Variants in CNOT1 observed in about 807,000 individuals in gnomAD.
CNOT1 encodes the protein CCR4-associated factor 1.
CNOT1 carries 15 observed loss-of-function variants against 273.8 expected under a neutral mutation model. The observed-to-expected ratio is 0.05, with a 90% confidence interval of 0.04 to 0.08. The LOEUF is 0.08. CNOT1 is among the 10% of genes least tolerant of loss of function. The pLI, the probability that CNOT1 is intolerant of heterozygous loss-of-function variation, is 1.00. For missense variants in CNOT1, 1,644 were observed against 2,912.2 expected (o/e 0.56, Z 10.02); for synonymous variants, 1,022 against 1,005.5 (o/e 1.02, Z -0.31).
At chr16:58,612,826 C>T (rs1460429209) in intron 1 of CNOT1, among the ~76,000 whole-genome samples, 3 of 152,164 alleles carry the variant, frequency 2.0e-5, no homozygotes, top group African/African-American at 7.2e-5. Context: ...AAGGTTGGTT[C>T]ACTTATTAAA....
chr16:58,583,130 C>A lies in CNOT1; in HGVS notation c.859G>T (p.Ala287Ser). 6.2e-7 allele frequency: 1 copy of A among 1,614,032 alleles called. No homozygotes were observed. The highest frequency in any genetic ancestry group is 8.5e-7 in the Non-Finnish European group (1 of 1,180,030). Residue 287 changes from alanine (A) to serine (S), a missense_variant, in exon 9 of 49, where the codon GCT (alanine) becomes TCT (serine). Coordinates refer to ENST00000317147, the MANE Select transcript of CNOT1 (RefSeq NM_016284.5). ...IVQFGVREVT[A>S]AQVARVLGMM... is the part of the protein sequence containing the mutation. ...CCCAAAACCCTTGCAACCTGGGCAG[C>A]TGTGACCTCCCGAACACCAAACTGC...
intron 1 of CNOT1, among the ~76,000 whole-genome samples, chr16:58,602,000 T>A (rs928053581): frequency 6.6e-6 from 1 of 152,148 alleles, no homozygotes; most frequent in Non-Finnish European, 1.5e-5. Flanking sequence ...CTTCACAATA[T>A]TGGAGTCCTT....
At chr16:58,561,844 T>C (rs997943841) in intron 16 of CNOT1, among the ~76,000 whole-genome samples, 3 of 152,158 alleles carry the variant, frequency 2.0e-5, no homozygotes, top group Admixed American at 6.5e-5. Flanking sequence ...ACTCAATCTG[T>C]ATTGCCTCAT....
At chr16:58,625,809 G>C (rs1312534158) in intron 1 of CNOT1, among the ~76,000 whole-genome samples, 4 of 145,468 alleles carry the variant, frequency 2.7e-5, no homozygotes, top group African/African-American at 5.2e-5. Context: ...AGTGAGCAGG[G>C]ATTGTGCCGC....
intron 29 of CNOT1, among the ~76,000 whole-genome samples, 153 bp from the exon 30 acceptor site, chr16:58,545,644 G>A (rs1417011710): frequency 6.6e-6 from 1 of 152,220 alleles, no homozygotes; most frequent in African/African-American, 2.4e-5. Context: ...TTCCCACCCT[G>A]AAAGGGAAAT....
chr16:58,571,646 G>A (rs765780557), intron 16 of CNOT1, among the ~76,000 whole-genome samples: 16 of 151,892 alleles, frequency 1.1e-4, no homozygotes, highest in Non-Finnish European at 2.2e-4. Flanking sequence ...AACACCTGAC[G>A]GAAAAACTGA....
At chr16:58,587,993 T>C (rs889873480) in intron 3 of CNOT1, 115 bp from the exon 4 acceptor site, 13 of 1,069,310 alleles carry the variant, frequency 1.2e-5, no homozygotes, top group Admixed American at 5.7e-5. Context: ...TTATATATTA[T>C]CAAAATCGGC....
intron 8 of CNOT1, 63 bp from the exon 9 acceptor site, chr16:58,583,245 T>C: frequency 6.3e-7 from 1 of 1,589,468 alleles, no homozygotes; most frequent in African/African-American, 1.4e-5. Context: ...TGAGAAATTC[T>C]GGCATTAAAT....
At position 58,539,908 on chromosome 16, in the gene CNOT1, C is replaced by G; in HGVS notation, c.4852G>C (p.Glu1618Gln). The change falls in exon 35 of 49, where the codon GAA becomes CAA. Residue 1618 changes from glutamate (E) to glutamine (Q), a missense_variant. Glu to Gln is a conservative substitution (Grantham distance 29). Transcript: ENST00000317147. ...VAQIYDKCIT[E>Q]LEQHLHAIPP... ...ATGGCATGTAGATGTTGCTCCAGTT[C>G]TGTAATACACTTATCATAAATCTGA... 5 of 1,614,060 alleles carry G rather than the reference C, an allele frequency of 3.1e-6. No individual in the cohort carries two copies. The highest frequency in any genetic ancestry group is 4.2e-6 in the Non-Finnish European group (5 of 1,179,976).
intron 1 of CNOT1, among the ~76,000 whole-genome samples, chr16:58,604,040 C>T (rs991307491): frequency 2.0e-5 from 3 of 152,072 alleles, no homozygotes; most frequent in Non-Finnish European, 4.4e-5. Context: ...GATTTTGTAA[C>T]CTGTATTTTT....
intron 2 of CNOT1, among the ~76,000 whole-genome samples, chr16:58,590,657 T>G (rs926195234): frequency 4.0e-5 from 6 of 151,776 alleles, no homozygotes; most frequent in African/African-American, 1.5e-4. Flanking sequence ...CCAAACACCT[T>G]GGGAGGCTGA....
At chr16:58,623,436 A>G (rs181951) in intron 1 of CNOT1, 114,327 of 151,952 alleles carry the variant, frequency 0.75, 43,423 homozygotes, top group Middle Eastern at 0.86. Context: ...AGATGAGAGG[A>G]TTAGGACTTT....
intron 10 of CNOT1, among the ~76,000 whole-genome samples, chr16:58,582,580 C>T (rs1283580850): frequency 6.6e-6 from 1 of 152,122 alleles, no homozygotes; most frequent in Non-Finnish European, 1.5e-5. Flanking sequence ...CCACCATAAA[C>T]AAGAGTAACT....
At chr16:58,607,928 T>C (rs755399194) in intron 1 of CNOT1, among the ~76,000 whole-genome samples, 1 of 151,662 alleles carries the variant, frequency 6.6e-6, no homozygotes, top group Non-Finnish European at 1.5e-5. Flanking sequence ...ACCCAGCACT[T>C]TGGGAGGGTG....
chr16:58,540,004 A>C (rs1270318912), intron 34 of CNOT1, 45 bp from the exon 35 acceptor site: 1 of 1,559,758 alleles, frequency 6.4e-7, no homozygotes, highest in Non-Finnish European at 8.7e-7. Context: ...AAAGAATGTT[A>C]AGGTTTTTTA....
At chr16:58,578,088 T>C (rs898696857) in intron 13 of CNOT1, among the ~76,000 whole-genome samples, 2 of 152,182 alleles carry the variant, frequency 1.3e-5, no homozygotes, top group African/African-American at 4.8e-5. Context: ...GCCTCCATGA[T>C]AGATGTTTAA....
At position 58,547,789 on chromosome 16, in the gene CNOT1, T is replaced by C; in HGVS notation, c.3523-107A>G. On this transcript the variant is annotated intron_variant, in intron 25 of 48. Transcript: ENST00000317147. This position sits in a 1 kb window ranked among gnomAD's most constrained non-coding sequence, Gnocchi z 4.0. The stretch of plus-strand genomic sequence containing the variant: ...CCTATCCTAAAGACAAGTCATCATT[T>C]CTAAGAACAGGCCCCAAAGTAGAAT... The C allele has an allele frequency of 9.2e-7, 1 of 1,092,636 alleles. No individual in the cohort carries two copies. The highest frequency in any genetic ancestry group is 1.3e-6 in the Non-Finnish European group (1 of 787,644). The allele number at this position is 1,092,636 out of a possible 1,614,324, so 67.7% of individuals were successfully genotyped here.
chr16:58,525,397 C>T, intron 45 of CNOT1, 38 bp from the exon 46 acceptor site: 1 of 1,564,902 alleles, frequency 6.4e-7, no homozygotes, highest in Non-Finnish European at 8.8e-7. Context: ...ATGCTTACTC[C>T]TGCAGAGGAC....
At chr16:58,523,233 A>C (rs2039470018) in intron 47 of CNOT1, 137 bp downstream of exon 47, 2 of 849,790 alleles carry the variant, frequency 2.4e-6, no homozygotes, top group East Asian at 5.4e-5. Context: ...TGACAGAGCA[A>C]CACTCCGTCT....
Sources: allele counts gnomAD v4.1 joint callset (sites outside exome capture counted in the v4.1 genomes callset), GRCh38; gene constraint gnomAD v4.1.1; non-coding constraint Gnocchi (gnomAD v3.1); transcripts MANE v1.5; gene names NCBI Gene and HGNC (gene_info 2026-07-23, HGNC 2026-07-21).